Variants in HIP1 observed in about 807,000 individuals in gnomAD.
The protein encoded by HIP1 is huntingtin interacting protein 1, also known as huntingtin-interacting protein 1.
A neutral mutation model predicts 147.6 loss-of-function variants in HIP1; 65 were observed. The ratio of observed to expected loss-of-function variants is 0.44; its 90% CI spans 0.36 to 0.54. HIP1 has a LOEUF of 0.54. HIP1 is among the 20% of genes least tolerant of loss of function. HIP1 has a pLI of 0.00. For synonymous variants in HIP1, 479 were observed against 504.0 expected (o/e 0.95, Z 0.67); for missense variants, 1,061 against 1,299.6 (o/e 0.82, Z 2.82).
In HIP1 at chr7:75,588,580, C is replaced by T. The variant is rs1273998028; in HGVS notation, c.385-1747G>A. 6.6e-5 allele frequency among the ~76,000 whole-genome samples: 10 copies of T among 151,902 alleles called. No individual in the cohort carries two copies. In the East Asian group the frequency reaches 9.7e-4, roughly 15 times the overall value. On this transcript the variant is annotated intron_variant, in intron 4 of 30. Coordinates refer to ENST00000336926, the MANE Select transcript of HIP1 (RefSeq NM_005338.7). Reference sequence around the variant, plus strand: ...GGCAGATCGCTTAAGCCCAGGAGTTCGAGACCACCCTTGGCAACATGGCGA... The same window carrying T: ...GGCAGATCGCTTAAGCCCAGGAGTTTGAGACCACCCTTGGCAACATGGCGA...
At chr7:75,549,847 T>C (rs1794716860) in intron 22 of HIP1, among the ~76,000 whole-genome samples, 1 of 151,550 alleles carries the variant, frequency 6.6e-6, no homozygotes, top group Non-Finnish European at 1.5e-5. Context: ...TTGTTTTTTT[T>C]TTTTTTTTAA....
Position 75,712,213 on chromosome 7 carries a change from C to T in HIP1, c.120+26588G>A, listed in dbSNP as rs529503407. 5.1e-4 allele frequency among the ~76,000 whole-genome samples: 77 copies of T among 152,292 alleles called. No homozygotes were observed. In the South Asian group the frequency reaches 0.015, roughly 30 times the overall value. On this transcript the variant is annotated intron_variant, in intron 1 of 30. Coordinates refer to ENST00000336926, the MANE Select transcript of HIP1 (RefSeq NM_005338.7). The stretch of plus-strand genomic sequence containing the variant: ...AAAGTTATTTTCTTCCCTTTCTTCT[C>T]TGTTCAGACATAACATCATCAACAT...
intron 1 of HIP1, among the ~76,000 whole-genome samples, chr7:75,707,322 A>C (rs1244049745): frequency 2.3e-5 from 1 of 42,836 alleles, no homozygotes; most frequent in African/African-American, 1.0e-4. Context: ...AATGATTGCC[A>C]TTCTAACTGG....
rs79529182 is a variant in HIP1, at chr7:75,568,614, C to A, written c.746-358G>T. ...CCAGGAGGGAGCAGTTCTTTCTCAG[C>A]TATTGCCTGCATTTGTTTTAGGTTG... On this transcript the variant is annotated intron_variant, in intron 8 of 30. Transcript: ENST00000336926. The surrounding 1 kb of genome is among the most constrained non-coding windows in gnomAD (Gnocchi z 4.1). Among the ~76,000 whole-genome samples, 2,456 of 152,302 alleles carry A rather than the reference C, an allele frequency of 0.016. 78 individuals are homozygous for A. Among genetic ancestry groups the A allele is most frequent in the African/African-American group, 0.056 (2,307 of 41,560 alleles).
chr7:75,651,178 C>T (rs1798968097), intron 1 of HIP1, among the ~76,000 whole-genome samples: 1 of 151,798 alleles, frequency 6.6e-6, no homozygotes. Context: ...TCTTCAAAGA[C>T]CTGAGGCACA....
At chr7:75,725,269 T>C (rs1340575838) in intron 1 of HIP1, among the ~76,000 whole-genome samples, 1 of 152,022 alleles carries the variant, frequency 6.6e-6, no homozygotes, top group Admixed American at 6.6e-5. Flanking sequence ...CAAGTGATCC[T>C]CTCGCCTCAG....
At chr7:75,688,592 C>T (rs1436920028) in intron 1 of HIP1, among the ~76,000 whole-genome samples, 1 of 152,108 alleles carries the variant, frequency 6.6e-6, no homozygotes, top group African/African-American at 2.4e-5. Flanking sequence ...CGCACACCCT[C>T]CACCCGCCGT....
intron 1 of HIP1, among the ~76,000 whole-genome samples, chr7:75,668,108 T>C (rs57061912): frequency 0.57 from 86,199 of 151,782 alleles, 24,925 homozygotes; most frequent in African/African-American, 0.66. Flanking sequence ...TGACCTTTGC[T>C]AACTCGCAGC....
chr7:75,668,273 A>C (rs1230686706), intron 1 of HIP1, among the ~76,000 whole-genome samples: 2 of 152,134 alleles, frequency 1.3e-5, no homozygotes, highest in Non-Finnish European at 2.9e-5. Context: ...CCTCCTGTTG[A>C]GAACAGCCTC....
chr7:75,719,312 G>A (rs1218354855), intron 1 of HIP1, among the ~76,000 whole-genome samples: 3 of 151,936 alleles, frequency 2.0e-5, no homozygotes, highest in Non-Finnish European at 4.4e-5. Context: ...AAACCATCCT[G>A]GCCAACACGG....
At position 75,560,409 on chromosome 7, in the gene HIP1, C is replaced by T. The variant is rs1453437413; in HGVS notation, c.1192-494G>A. On this transcript the variant is annotated intron_variant, in intron 13 of 30. Transcript: ENST00000336926. ...CATTACAGGTATGCACCACCATGCC[C>T]AGCTAATTTTTAAAAAGTTTTTTGT... Among the ~76,000 whole-genome samples, 4 of 152,190 alleles carry T rather than the reference C, an allele frequency of 2.6e-5. No individual in the cohort carries two copies. The East Asian group carries it at 7.7e-4, about 29-fold the overall frequency.
chr7:75,618,303 C>T (rs1797735956), intron 1 of HIP1, among the ~76,000 whole-genome samples: 2 of 152,154 alleles, frequency 1.3e-5, no homozygotes, highest in African/African-American at 4.8e-5. Context: ...AGGCACGTGC[C>T]ACCAACTCTG....
At chr7:75,661,741 TG>T (rs1195744035) in intron 1 of HIP1, among the ~76,000 whole-genome samples, 8 of 151,676 alleles carry the variant, frequency 5.3e-5, no homozygotes, top group Non-Finnish European at 1.2e-4. Flanking sequence ...GATGTCATCT[TG>T]GGGGCAGCTA....
intron 8 of HIP1, among the ~76,000 whole-genome samples, chr7:75,569,381 A>G (rs947872775): frequency 2.6e-5 from 4 of 152,082 alleles, no homozygotes; most frequent in Non-Finnish European, 5.9e-5. Flanking sequence ...AGTGGGGAGC[A>G]TCGCTTGTAC....
At chr7:75,650,137 C>G (rs1342627670) in intron 1 of HIP1, among the ~76,000 whole-genome samples, 1 of 152,174 alleles carries the variant, frequency 6.6e-6, no homozygotes, top group African/African-American at 2.4e-5. Flanking sequence ...AAGCAAAGAT[C>G]TGCCGAATTT....
intron 1 of HIP1, among the ~76,000 whole-genome samples, chr7:75,605,652 C>A (rs886076183): frequency 6.6e-6 from 1 of 152,128 alleles, no homozygotes; most frequent in African/African-American, 2.4e-5. Context: ...CCTGTCTCAG[C>A]CTCCGAAGTA....
chr7:75,719,262 T>C (rs1554520886), intron 1 of HIP1, among the ~76,000 whole-genome samples: 1 of 152,080 alleles, frequency 6.6e-6, no homozygotes, highest in Non-Finnish European at 1.5e-5. Flanking sequence ...CCCAGCACTT[T>C]GGGAGGCCAA....
At chr7:75,667,472 G>C (rs1396384452) in intron 1 of HIP1, among the ~76,000 whole-genome samples, 4 of 152,194 alleles carry the variant, frequency 2.6e-5, no homozygotes, top group African/African-American at 9.6e-5. Context: ...AACTGTGTTA[G>C]TTTAATATTA....
Position 75,713,382 on chromosome 7 carries a change from G to A in HIP1, c.120+25419C>T, listed in dbSNP as rs576958927. ...AGCTGGAACTAAGACTGACTGCCAA[G>A]TCTTACTAGTATCCGGTGCTAGCTG... On this transcript the variant is annotated intron_variant, in intron 1 of 30. Transcript: ENST00000336926. Among the ~76,000 whole-genome samples, 29 of 152,304 alleles carry A rather than the reference G, an allele frequency of 1.9e-4. 1 individual carries two copies. The highest frequency in any genetic ancestry group is 5.8e-4 in the African/African-American group (24 of 41,576).
Sources: allele counts gnomAD v4.1 joint callset (sites outside exome capture counted in the v4.1 genomes callset), GRCh38; gene constraint gnomAD v4.1.1; non-coding constraint Gnocchi (gnomAD v3.1); transcripts MANE v1.5; gene names NCBI Gene and HGNC (gene_info 2026-07-23, HGNC 2026-07-21).